Variants in EPG5 observed in about 807,000 individuals in gnomAD.
EPG5 encodes the protein ectopic P-granules 5 autophagy tethering factor.
In EPG5, 159 loss-of-function variants were observed where a neutral mutation model predicts 302.7. That is an observed-to-expected ratio of 0.53 (90% CI 0.46 to 0.60). The LOEUF is 0.60. EPG5 is among the 20% of genes least tolerant of loss of function. The pLI is 0.00. For synonymous variants in EPG5, 1,158 were observed against 1,136.8 expected (o/e 1.02, Z -0.37); for missense variants, 2,896 against 3,092.4 (o/e 0.94, Z 1.51).
In EPG5 at chr18:45,876,356, A is replaced by C. The variant is rs1289958063; in HGVS notation, c.5943-14T>G. The C allele has an allele frequency of 2.5e-6, 4 of 1,597,960 alleles. No individual in the cohort carries two copies. Among genetic ancestry groups the C allele is most frequent in the Non-Finnish European group, 8.6e-7 (1 of 1,165,396 alleles). Reference sequence around the variant, plus strand: ...CGCTGTTGGCTGCTTTAAAGAAAAGAAGCACACACTTAGGAATGCAACCGT... The same window carrying C: ...CGCTGTTGGCTGCTTTAAAGAAAAGCAGCACACACTTAGGAATGCAACCGT... On this transcript the variant is annotated splice_polypyrimidine_tract_variant and intron_variant, in intron 34 of 43. Transcript: ENST00000282041.
chr18:45,957,289 A>G (rs2051052870), intron 1 of EPG5, among the ~76,000 whole-genome samples: 1 of 152,220 alleles, frequency 6.6e-6, no homozygotes, highest in Non-Finnish European at 1.5e-5. Context: ...TCAAGAAGTA[A>G]TATGACCCTC....
chr18:45,929,550 G>C (rs1403967763), intron 12 of EPG5, among the ~76,000 whole-genome samples: 1 of 152,164 alleles, frequency 6.6e-6, no homozygotes, highest in Non-Finnish European at 1.5e-5. Flanking sequence ...AAATGTAATA[G>C]TGTATCACAG....
intron 36 of EPG5, 28 bp downstream of exon 36, chr18:45,870,539 G>A (rs1196857460): frequency 1.2e-6 from 2 of 1,604,604 alleles, no homozygotes; most frequent in Non-Finnish European, 1.7e-6. Context: ...ATCTCTCTAG[G>A]CTGCGATGCC....
At chr18:45,838,863 G>A in the EPG5 span, 15,900 of 1,582,544 alleles carry the variant, frequency 0.01, 113 homozygotes, top group Non-Finnish European at 0.012. Flanking sequence ...TGCGGAGCCC[G>A]CGTGAGGGTC....
At chr18:45,838,553 G>A in the EPG5 span, 2 of 866,512 alleles carry the variant, frequency 2.3e-6, no homozygotes, top group South Asian at 1.9e-5. Flanking sequence ...AAGCAGAGAT[G>A]ATAGAATCTT....
chr18:45,803,233 C>A, the EPG5 span, among the ~76,000 whole-genome samples: 3 of 152,182 alleles, frequency 2.0e-5, no homozygotes, highest in Non-Finnish European at 2.9e-5. Context: ...ATGTGACAGT[C>A]AGTACAACTC....
chr18:45,803,124 T>A, the EPG5 span, among the ~76,000 whole-genome samples: 1 of 152,220 alleles, frequency 6.6e-6, no homozygotes, highest in East Asian at 1.9e-4. Flanking sequence ...AAAGACATTA[T>A]CAGCCTTACA....
chr18:45,825,570 C>T, the EPG5 span: 12 of 681,140 alleles, frequency 1.8e-5, no homozygotes, highest in South Asian at 2.1e-4. Flanking sequence ...GGCTTCCTGT[C>T]CCCAGTTCCT....
At chr18:45,840,165 A>G in the EPG5 span, 13 of 1,608,292 alleles carry the variant, frequency 8.1e-6, no homozygotes, top group Non-Finnish European at 1.1e-5. Context: ...CAGGCTGCAG[A>G]CTGCGGTGGA....
At chr18:45,932,644 T>C (rs2050419660) in intron 11 of EPG5, among the ~76,000 whole-genome samples, 1 of 152,150 alleles carries the variant, frequency 6.6e-6, no homozygotes, top group African/African-American at 2.4e-5. Flanking sequence ...AAAATTGATA[T>C]ATAAAAGATT....
rs2050733977 is a variant in EPG5, at chr18:45,944,036, G to C, written c.1761C>G (p.Leu587=). Residue 587 remains leucine, a synonymous_variant, in exon 8 of 44, where the codon CTC becomes CTG. Transcript: ENST00000282041. The stretch of plus-strand genomic sequence containing the variant: ...CTTTAAACCCAAGAAGATGCTGAAA[G>C]AGTTCATGAAAGGGGAACTGTGCTA... ...TILAQFPFHE[L]FQHLLGFKAK... is the part of the protein sequence containing the mutation. 5.6e-6 allele frequency: 9 copies of C among 1,613,530 alleles called. No homozygotes were observed. In the Admixed American group the frequency reaches 1.3e-4, roughly 24 times the overall value.
the EPG5 span, among the ~76,000 whole-genome samples, chr18:45,819,738 T>C: frequency 3.3e-5 from 5 of 152,186 alleles, no homozygotes; most frequent in African/African-American, 1.2e-4. Context: ...TTTTCCACTA[T>C]TATCTTCTGT....
At chr18:45,872,151 C>T (rs2048883980) in intron 35 of EPG5, among the ~76,000 whole-genome samples, 1 of 152,164 alleles carries the variant, frequency 6.6e-6, no homozygotes, top group Admixed American at 6.5e-5. Flanking sequence ...GAAACTAGTC[C>T]ATTAACTGTC....
At chr18:45,901,285 T>A in intron 25 of EPG5, 118 bp from the exon 26 acceptor site, 1 of 833,732 alleles carries the variant, frequency 1.2e-6, no homozygotes, top group Non-Finnish European at 1.8e-6. Context: ...CTTACGATAG[T>A]TGAAGAGTTA....
chr18:45,934,703 G>A (rs1057340717), intron 11 of EPG5, 106 bp downstream of exon 11: 3 of 1,274,194 alleles, frequency 2.4e-6, no homozygotes, highest in African/African-American at 1.5e-5. Context: ...TGAGTATGTA[G>A]AGTAAAACAT....
At chr18:45,826,634 A>G in the EPG5 span, among the ~76,000 whole-genome samples, 12 of 152,314 alleles carry the variant, frequency 7.9e-5, no homozygotes, top group Middle Eastern at 3.4e-3. Context: ...CTCAGCATCC[A>G]TGCCACTGTA....
At chr18:45,948,921 AAGG>A (rs2050844419) in intron 5 of EPG5, among the ~76,000 whole-genome samples, 1 of 152,232 alleles carries the variant, frequency 6.6e-6, no homozygotes. Flanking sequence ...TGCTAAAGAA[AAGG>A]AGGTGTGGAG....
the EPG5 span, among the ~76,000 whole-genome samples, chr18:45,803,576 AC>A: frequency 1.1e-4 from 16 of 152,326 alleles, no homozygotes; most frequent in African/African-American, 3.8e-4. Context: ...TTTGAGGGCA[AC>A]CCCAGCTGCT....
rs1264199115 is a variant in EPG5, at chr18:45,851,651, G to A, written c.*816C>T. The A allele has an allele frequency of 5.9e-5, 9 of 152,238 alleles. No homozygotes were observed. Among genetic ancestry groups the A allele is most frequent in the Admixed American group, 5.9e-4 (9 of 15,276 alleles). 9.4% of individuals were successfully genotyped at this position (152,238 alleles called of 1,614,324 possible). On this transcript the variant is annotated 3_prime_UTR_variant, in exon 44 of 44. Transcript: ENST00000282041. ...CAAACTTAGGTGTCGACAGGGGCAA[G>A]TGATGTGAATGAGGCTAGGGTCAGG...
Sources: allele counts gnomAD v4.1 joint callset (sites outside exome capture counted in the v4.1 genomes callset), GRCh38; gene constraint gnomAD v4.1.1; transcripts MANE v1.5; gene names NCBI Gene and HGNC (gene_info 2026-07-23, HGNC 2026-07-21).